The following GNA15 variants were observed in gnomAD, a reference collection of about 807,000 sequenced individuals.
The protein encoded by GNA15 is G protein subunit alpha 15.
GNA15 carries 23 observed loss-of-function variants against 40.1 expected under a neutral mutation model. The observed-to-expected ratio is 0.57, with a 90% CI of 0.41 to 0.81. The LOEUF (loss-of-function observed/expected upper bound fraction) is 0.81, where lower values mean the gene tolerates loss of function less well. Among genes scored for constraint, GNA15 ranks in the 40% least tolerant of loss-of-function variants. The pLI, the probability that GNA15 is intolerant of heterozygous loss-of-function variation, is 0.00. For synonymous variants in GNA15, 226 were observed against 210.4 expected (o/e 1.07, Z -0.64); for missense variants, 522 against 515.8 (o/e 1.01, Z -0.12).
chr19:3,136,553 C>G lies in GNA15; in HGVS notation c.103C>G (p.Gln35Glu). Residue 35 changes from glutamine (Q) to glutamate (E), a missense_variant, in exon 1 of 7, where the codon CAG becomes GAG. By Grantham distance (29) the Gln-to-Glu change is conservative. Coordinates refer to ENST00000262958, the MANE Select transcript of GNA15 (RefSeq NM_002068.4). This position sits in a 1 kb window ranked among gnomAD's most constrained non-coding sequence, Gnocchi z 4.9. ...DQEINRILLE[Q>E]KKQDRGELKL... The stretch of plus-strand genomic sequence containing the variant: ...GGAGATCAACAGGATCCTCTTGGAG[C>G]AGAAGAAGCAGGACCGCGGGGAGCT... 6.4e-7 allele frequency: 1 copy of G among 1,568,636 alleles called. No homozygotes were observed. Among genetic ancestry groups the G allele is most frequent in the East Asian group, 2.4e-5 (1 of 42,456 alleles).
In GNA15 at chr19:3,157,855, T is replaced by C; in HGVS notation, c.872T>C (p.Leu291Pro). 1 of 1,613,624 alleles carries C rather than the reference T, an allele frequency of 6.2e-7. No homozygotes were observed. Among genetic ancestry groups the C allele is most frequent in the Non-Finnish European group, 8.5e-7 (1 of 1,179,484 alleles). The change falls in exon 6 of 7, where the codon CTG becomes CCG. Residue 291 changes from leucine to proline, a missense_variant. Leu to Pro is a moderately conservative substitution (Grantham distance 98). Transcript: ENST00000262958. The stretch of plus-strand genomic sequence containing the variant: ...GAGGAGAAAATCCCCACCTCCCACC[T>C]GGCTACCTATTTCCCCAGTTTCCAG... The part of the protein sequence containing the change: ...ILEEKIPTSH[L>P]ATYFPSFQGP...
intron 1 of GNA15, among the ~76,000 whole-genome samples, chr19:3,137,734 A>T (rs1914486979): frequency 6.6e-6 from 1 of 152,050 alleles, no homozygotes; most frequent in South Asian, 2.1e-4. Flanking sequence ...GTGAGCTGAG[A>T]TCATGCCACT....
At chr19:3,154,572 G>A (rs868051286) in intron 4 of GNA15, among the ~76,000 whole-genome samples, 199 of 151,318 alleles carry the variant, frequency 1.3e-3, no homozygotes, top group African/African-American at 4.4e-3. Context: ...CAGGTGGATG[G>A]ATGATGGATG....
chr19:3,163,258 A>C lies in GNA15; in HGVS notation c.*239A>C. 1.8e-6 allele frequency: 1 copy of C among 544,524 alleles called. No individual in the cohort carries two copies. Among genetic ancestry groups the C allele is most frequent in the Middle Eastern group, 5.0e-4 (1 of 2,018 alleles). 33.7% of individuals were successfully genotyped at this position (544,524 alleles called of 1,614,324 possible). Reference sequence around the variant, plus strand: ...CCTCCTTTGAAAGGGAAGGAGCAAAACGGCCATTTGGGATGCCAGGGTGGA... The same window carrying C: ...CCTCCTTTGAAAGGGAAGGAGCAAACCGGCCATTTGGGATGCCAGGGTGGA... On this transcript the variant is annotated 3_prime_UTR_variant, in exon 7 of 7. Transcript: ENST00000262958.
intron 1 of GNA15, among the ~76,000 whole-genome samples, chr19:3,139,139 T>A (rs965796375): frequency 1.1e-4 from 16 of 150,904 alleles, no homozygotes; most frequent in Admixed American, 5.3e-4. Flanking sequence ...AGAGATGGGG[T>A]TTCACCATGT....
At chr19:3,140,044 A>AAAAAATCTATCTATCT (rs71307196) in intron 1 of GNA15, among the ~76,000 whole-genome samples, 2 of 124,054 alleles carry the variant, frequency 1.6e-5, no homozygotes, top group Non-Finnish European at 1.8e-5. Flanking sequence ...AAAAAAAAAA[A>AAAAAATCTATCTATCT]ATCTATCTAT....
At chr19:3,154,614 G>C (rs193231206) in intron 4 of GNA15, among the ~76,000 whole-genome samples, 3 of 151,214 alleles carry the variant, frequency 2.0e-5, no homozygotes, top group Admixed American at 2.0e-4. Flanking sequence ...ATAGATGGAT[G>C]GATGAGTGAA....
chr19:3,156,308 C>A (rs1335362717), intron 5 of GNA15, among the ~76,000 whole-genome samples: 1 of 151,790 alleles, frequency 6.6e-6, no homozygotes, highest in Non-Finnish European at 1.5e-5. Context: ...CATGTACACA[C>A]GCAGTGCACA....
chr19:3,150,232 C>T lies in GNA15; in HGVS notation c.432C>T (p.Ile144=). 6.2e-7 allele frequency: 1 copy of T among 1,610,858 alleles called. No individual in the cohort carries two copies. The highest frequency in any genetic ancestry group is 8.5e-7 in the Non-Finnish European group (1 of 1,178,738). Residue 144 remains isoleucine, a synonymous_variant, in exon 3 of 7, where the codon ATC becomes ATT. Transcript: ENST00000262958. ...AGTGGCTGTGGAGGGATGCCGGCAT[C>T]CGGGCCTGCTATGAGCGTCGGCGGG... The part of the protein sequence containing the change: ...AMQWLWRDAG[I]RACYERRREF...
At chr19:3,159,669 T>G (rs548865385) in intron 6 of GNA15, among the ~76,000 whole-genome samples, 4 of 152,338 alleles carry the variant, frequency 2.6e-5, no homozygotes, top group African/African-American at 9.6e-5. Context: ...AAAGCAGAGC[T>G]TTGAACAATG....
intron 1 of GNA15, among the ~76,000 whole-genome samples, chr19:3,140,912 C>T (rs1015277961): frequency 6.6e-6 from 1 of 152,242 alleles, no homozygotes; most frequent in Non-Finnish European, 1.5e-5. Context: ...CAGGGGATGA[C>T]ATCCATGTCC....
chr19:3,148,960 A>G, intron 2 of GNA15, 185 bp downstream of exon 2: 1 of 600,272 alleles, frequency 1.7e-6, no homozygotes, highest in Non-Finnish European at 2.9e-6. Context: ...CATACATACA[A>G]GTGCACACAC....
At chr19:3,145,781 C>A (rs1914708133) in intron 1 of GNA15, among the ~76,000 whole-genome samples, 1 of 150,322 alleles carries the variant, frequency 6.7e-6, no homozygotes, top group African/African-American at 2.5e-5. Context: ...CTCCTGACCT[C>A]AAGTGATCTG....
rs1455326555 is a variant in GNA15, at chr19:3,163,545, C to G, written c.*526C>G. On this transcript the variant is annotated 3_prime_UTR_variant, in exon 7 of 7. Transcript: ENST00000262958. ...TCCCTTTGCAAGGGGTAACAGACCG[C>G]TGGAAAACACTGTCACTTTCAGAGC... The G allele has an allele frequency of 6.5e-6, 1 of 154,500 alleles. No homozygotes were observed. Among genetic ancestry groups the G allele is most frequent in the Non-Finnish European group, 1.4e-5 (1 of 69,452 alleles). 9.6% of individuals were successfully genotyped at this position (154,500 alleles called of 1,614,324 possible).
chr19:3,140,497 C>T (rs1257090048), intron 1 of GNA15, among the ~76,000 whole-genome samples: 1 of 152,160 alleles, frequency 6.6e-6, no homozygotes, highest in African/African-American at 2.4e-5. Context: ...CAAGTGTCGC[C>T]TCCTCAGAGA....
intron 6 of GNA15, among the ~76,000 whole-genome samples, chr19:3,161,925 C>T (rs759638620): frequency 1.1e-4 from 17 of 150,070 alleles, no homozygotes; most frequent in African/African-American, 3.7e-4. Flanking sequence ...CCCAGTTACT[C>T]GGGAGGCTGA....
intron 6 of GNA15, among the ~76,000 whole-genome samples, 187 bp downstream of exon 6, chr19:3,158,068 A>T (rs1915070750): frequency 6.6e-6 from 1 of 152,206 alleles, no homozygotes; most frequent in Non-Finnish European, 1.5e-5. Flanking sequence ...GTGGAATGGA[A>T]TAAAATAGCA....
At chr19:3,150,014 G>A (rs1487264478) in intron 2 of GNA15, 117 bp from the exon 3 acceptor site, 2 of 804,486 alleles carry the variant, frequency 2.5e-6, no homozygotes, top group African/African-American at 3.5e-5. Context: ...GGGGAAGAAG[G>A]AGAGCAGTGG....
At position 3,151,558 on chromosome 19, in the gene GNA15, C is replaced by A; in HGVS notation, c.486-149C>A. 1 of 843,514 alleles carries A rather than the reference C, an allele frequency of 1.2e-6. No individual in the cohort carries two copies. Among genetic ancestry groups the A allele is most frequent in the Non-Finnish European group, 1.8e-6 (1 of 566,782 alleles). 52.3% of individuals were successfully genotyped at this position (843,514 alleles called of 1,614,324 possible). ...GCTCCATTGCCTCAGGTGGGGGACG[C>A]TCCTGGGCCATCTGCCAACTCCAGG... On this transcript the variant is annotated intron_variant, in intron 3 of 6. Transcript: ENST00000262958. The surrounding 1 kb of genome is among the most constrained non-coding windows in gnomAD (Gnocchi z 5.0).
Sources: allele counts gnomAD v4.1 joint callset (sites outside exome capture counted in the v4.1 genomes callset), GRCh38; gene constraint gnomAD v4.1.1; non-coding constraint Gnocchi (gnomAD v3.1); transcripts MANE v1.5; gene names NCBI Gene and HGNC (gene_info 2026-07-23, HGNC 2026-07-21).